The following TTC39C variants were observed in gnomAD, a reference collection of about 807,000 sequenced individuals.
TTC39C encodes the protein tetratricopeptide repeat domain 39C.
In TTC39C, 33 loss-of-function variants were observed where a neutral mutation model predicts 76.3. The observed-to-expected ratio is 0.43, with a 90% confidence interval of 0.33 to 0.58. The LOEUF is 0.58. Among genes scored for constraint, TTC39C ranks in the 20% least tolerant of loss-of-function variants. The probability of loss-of-function intolerance (pLI) is 0.04; values close to 1 mark genes in which losing one functional copy is unlikely to be tolerated. For synonymous variants in TTC39C, 254 were observed against 260.6 expected (o/e 0.97, Z 0.24); for missense variants, 595 against 701.4 (o/e 0.85, Z 1.71).
intron 1 of TTC39C, among the ~76,000 whole-genome samples, chr18:24,021,480 C>G (rs919177554): frequency 3.3e-5 from 5 of 151,366 alleles, no homozygotes; most frequent in African/African-American, 1.2e-4. Context: ...AAGAGAAAGT[C>G]ATGCCTCCTT....
chr18:24,014,835 G>C lies in TTC39C; in HGVS notation c.-37G>C. The stretch of plus-strand genomic sequence containing the variant: ...GCGCGGGGCCGCAGCAGCTGCTCCC[G>C]ATCTCGCCTCGGCCCAGCGCAGGGC... On this transcript the variant is annotated 5_prime_UTR_variant, in exon 1 of 14. Transcript: ENST00000317571. 2 of 1,216,570 alleles carry C rather than the reference G, an allele frequency of 1.6e-6. No homozygotes were observed. Among genetic ancestry groups the C allele is most frequent in the South Asian group, 4.0e-5 (1 of 24,868 alleles). The allele number at this position is 1,216,570 out of a possible 1,614,324, so 75.4% of individuals were successfully genotyped here.
At chr18:24,099,113 CGT>C (rs199519942) in intron 6 of TTC39C, 16,699 of 134,540 alleles carry the variant, frequency 0.12, 1,468 homozygotes, top group East Asian at 0.25. Context: ...ATATATAAAA[CGT>C]GTGTGTGTGT....
At chr18:24,078,755 C>T (rs551442429) in intron 4 of TTC39C, among the ~76,000 whole-genome samples, 5 of 152,338 alleles carry the variant, frequency 3.3e-5, no homozygotes, top group African/African-American at 1.2e-4. Context: ...AGACAAATTC[C>T]GGACTCCCAG....
Position 24,133,315 on chromosome 18 carries a change from GAATGTTTCAAAGC to G in TTC39C, c.*742_*754del, listed in dbSNP as rs1421017373. 7 of 152,296 alleles carry G rather than the reference GAATGTTTCAAAGC, an allele frequency of 4.6e-5. No homozygotes were observed. Among genetic ancestry groups the G allele is most frequent in the African/African-American group, 1.7e-4 (7 of 41,562 alleles). The allele number at this position is 152,296 out of a possible 1,614,324, so 9.4% of individuals were successfully genotyped here. A position where few individuals can be genotyped will look rare whatever the true frequency, so the allele number is the denominator to read the frequency against. On this transcript the variant is annotated 3_prime_UTR_variant, in exon 14 of 14. Coordinates refer to ENST00000317571, the MANE Select transcript of TTC39C (RefSeq NM_001135993.2). ...AATAGTCATCTCCAGATTGTCTACA[GAATGTTTCAAAGC>G]GATGGACACTCTTTTTCCTTTGAAA... is the stretch of plus-strand genomic sequence containing the variant.
intron 1 of TTC39C, among the ~76,000 whole-genome samples, chr18:24,023,555 C>T (rs562413997): frequency 1.3e-5 from 2 of 152,270 alleles, no homozygotes; most frequent in East Asian, 3.9e-4. Context: ...AGGAGGCCAG[C>T]CCAACTGGTG....
At position 24,133,623 on chromosome 18, in the gene TTC39C, AT is replaced by A. The variant is rs1247001983; in HGVS notation, c.*1050del. 1.3e-5 allele frequency: 2 copies of A among 152,224 alleles called. No individual in the cohort carries two copies. Among genetic ancestry groups the A allele is most frequent in the Non-Finnish European group, 2.9e-5 (2 of 68,030 alleles). The allele number at this position is 152,224 out of a possible 1,614,324, so 9.4% of individuals were successfully genotyped here. On this transcript the variant is annotated 3_prime_UTR_variant, in exon 14 of 14. Coordinates refer to ENST00000317571, the MANE Select transcript of TTC39C (RefSeq NM_001135993.2). ...CTGGGCTACACAGTGCCAGGATTTAATCATTTTCCCCTTAGCTCAGGTTATT... is the reference window on the plus strand; with the variant it reads ...CTGGGCTACACAGTGCCAGGATTTAACATTTTCCCCTTAGCTCAGGTTATT...
chr18:24,123,633 C>T (rs4800177), intron 8 of TTC39C: 226,458 of 411,914 alleles, frequency 0.55, 67,990 homozygotes, highest in Non-Finnish European at 0.65. Flanking sequence ...TCTCGAATTC[C>T]TGACCTCAGG....
intron 1 of TTC39C, among the ~76,000 whole-genome samples, chr18:24,040,651 ACT>A (rs1320209836): frequency 6.6e-6 from 1 of 152,034 alleles, no homozygotes; most frequent in Non-Finnish European, 1.5e-5. Flanking sequence ...ATCACTAGAG[ACT>A]CTCGGTAAGC....
chr18:24,030,499 T>C (rs1434000215), intron 1 of TTC39C, among the ~76,000 whole-genome samples: 1 of 152,158 alleles, frequency 6.6e-6, no homozygotes, highest in Non-Finnish European at 1.5e-5. Flanking sequence ...ATCATACAAG[T>C]CTGTTGATCT....
At chr18:24,096,151 G>A (rs183806615) in intron 6 of TTC39C, among the ~76,000 whole-genome samples, 8 of 152,306 alleles carry the variant, frequency 5.3e-5, no homozygotes, top group Non-Finnish European at 1.5e-5. Flanking sequence ...TTACCAAAAT[G>A]TGACACAGAG....
At chr18:24,005,680 TAA>T (rs541191475) in intron 1 of TTC39C, among the ~76,000 whole-genome samples, 23 of 135,126 alleles carry the variant, frequency 1.7e-4, no homozygotes, top group Admixed American at 2.2e-4. Context: ...ACCCTGTCTC[TAA>T]AAAAAAAAAA....
intron 1 of TTC39C, among the ~76,000 whole-genome samples, chr18:24,008,599 C>A (rs1462026247): frequency 6.6e-6 from 1 of 152,060 alleles, no homozygotes; most frequent in Non-Finnish European, 1.5e-5. Flanking sequence ...TAAATTAGTC[C>A]AACCATTGTG....
chr18:24,083,076 C>G lies in TTC39C; in HGVS notation c.979C>G (p.Leu327Val), dbSNP rs779096496. ...GTTTTTCAAGGGACGGATACAACGA[C>G]TAGAGGTACTGTACCTTCCTCATCT... The part of the protein sequence containing the change: ...FMFFKGRIQR[L>V]ECQINSALTS... The change falls in exon 6 of 14, where the codon CTA becomes GTA. Residue 327 changes from leucine to valine, a missense_variant. Coordinates refer to ENST00000317571, the MANE Select transcript of TTC39C (RefSeq NM_001135993.2). 1 of 1,613,416 alleles carries G rather than the reference C, an allele frequency of 6.2e-7. No homozygotes were observed. The highest frequency in any genetic ancestry group is 2.2e-5 in the East Asian group (1 of 44,864).
chr18:24,116,819 G>GTT (rs767138108), intron 7 of TTC39C, among the ~76,000 whole-genome samples: 1,387 of 95,030 alleles, frequency 0.015, 41 homozygotes, highest in Middle Eastern at 0.023. Flanking sequence ...TGATACCTTA[G>GTT]TTTTTTTTTT....
At chr18:24,033,268 AAAAT>A (rs1444757840) in intron 1 of TTC39C, among the ~76,000 whole-genome samples, 1 of 152,202 alleles carries the variant, frequency 6.6e-6, no homozygotes, top group Non-Finnish European at 1.5e-5. Context: ...ATAAATAAAT[AAAAT>A]AAATAACCAG....
rs759767358 is a variant in TTC39C at position 24,125,456 on chromosome 18, C to G, written c.1326C>G (p.Thr442=). 1.6e-5 allele frequency: 26 copies of G among 1,614,144 alleles called. No individual in the cohort carries two copies. Among genetic ancestry groups the G allele is most frequent in the Non-Finnish European group, 6.8e-6 (8 of 1,180,014 alleles). Residue 442 remains threonine (T), a synonymous_variant, in exon 10 of 14, where the codon ACC becomes ACG. Transcript: ENST00000317571. ...KAERFRKQTP[T]KALCVLASIE... is the part of the protein sequence containing the mutation. ...AGCGATTTCGGAAGCAAACCCCAAC[C>G]AAAGCGCTCTGTGTGTTGGCGTCTA... is the stretch of plus-strand genomic sequence containing the variant.
At chr18:24,041,265 G>T (rs1431495919) in intron 1 of TTC39C, among the ~76,000 whole-genome samples, 1 of 152,200 alleles carries the variant, frequency 6.6e-6, no homozygotes, top group Non-Finnish European at 1.5e-5. Flanking sequence ...TGCACATACA[G>T]TCCATTATAG....
chr18:24,047,579 CTCCT>C (rs2083901015), intron 1 of TTC39C, among the ~76,000 whole-genome samples: 1 of 151,526 alleles, frequency 6.6e-6, no homozygotes, highest in Non-Finnish European at 1.5e-5. Flanking sequence ...TTCTTTTTTC[CTCCT>C]TCCTTCCCTT....
intron 1 of TTC39C, among the ~76,000 whole-genome samples, chr18:24,049,800 A>G (rs1180404191): frequency 6.6e-6 from 1 of 152,254 alleles, no homozygotes; most frequent in East Asian, 1.9e-4. Context: ...TAATAACTGG[A>G]AAGGAAATAA....
Sources: gnomAD v4.1 joint callset for allele counts (sites outside exome capture counted in the v4.1 genomes callset) on GRCh38, gnomAD v4.1.1 for gene constraint, MANE v1.5 for transcripts, NCBI Gene and HGNC (gene_info 2026-07-23, HGNC 2026-07-21) for gene names.